The following WASF1 variants were observed in gnomAD, a reference collection of about 807,000 sequenced individuals.
The protein encoded by WASF1 is actin-binding protein WASF1.
WASF1 carries 7 observed loss-of-function variants against 50.5 expected under a neutral mutation model. The observed-to-expected ratio is 0.14, with a 90% CI of 0.08 to 0.26. The LOEUF is 0.26. Among genes scored for constraint, WASF1 ranks in the 10% least tolerant of loss-of-function variants. The probability of loss-of-function intolerance (pLI) is 1.00; values close to 1 mark genes in which losing one functional copy is unlikely to be tolerated. For synonymous variants in WASF1, 205 were observed against 244.0 expected (o/e 0.84, Z 1.49); for missense variants, 470 against 694.7 (o/e 0.68, Z 3.64).
In WASF1 at chr6:110,132,684, G is replaced by A. The variant is rs199518923; in HGVS notation, c.-28-5055C>T. 2.6e-4 allele frequency among the ~76,000 whole-genome samples: 40 copies of A among 151,472 alleles called. No individual in the cohort carries two copies. In the East Asian group the frequency reaches 3.6e-3, roughly 14 times the overall value. ...AATGTGTAGTCTTTTATCCCTCTCC[G>A]TCCTCTCACCCTTTCTCCCAAGTCC... On this transcript the variant is annotated intron_variant, in intron 3 of 10. Coordinates refer to ENST00000392589, the MANE Select transcript of WASF1 (RefSeq NM_003931.3).
rs544054532 is a variant in WASF1, at chr6:110,158,246, T to C, written c.-29+2389A>G. On this transcript the variant is annotated intron_variant, in intron 3 of 10. Coordinates refer to ENST00000392589, the MANE Select transcript of WASF1 (RefSeq NM_003931.3). ...CCACAATTTCAGAGCCTGTTATTGG[T>C]CTATTCAGAGATTCAACTTCTTCCT... is the stretch of plus-strand genomic sequence containing the variant. Among the ~76,000 whole-genome samples the C allele has an allele frequency of 1.9e-4, 9 of 48,580 alleles. 1 individual carries two copies. Among genetic ancestry groups the C allele is most frequent in the African/African-American group, 8.1e-4 (8 of 9,832 alleles). The allele number at this position is 48,580 out of a possible 152,430, so 31.9% of individuals were successfully genotyped here.
chr6:110,104,513 G>A (rs1773232357), intron 8 of WASF1, among the ~76,000 whole-genome samples: 1 of 152,144 alleles, frequency 6.6e-6, no homozygotes, highest in Non-Finnish European at 1.5e-5. Flanking sequence ...ACTAGGCTGG[G>A]CACAGTGGCT....
intron 4 of WASF1, among the ~76,000 whole-genome samples, chr6:110,124,240 C>CTCTCTCTCTT (rs1562170316): frequency 3.2e-5 from 1 of 30,848 alleles, no homozygotes; most frequent in African/African-American, 1.5e-4. Flanking sequence ...TCTCTCCTCT[C>CTCTCTCTCTT]TCTCTCTCTC....
intron 2 of WASF1, among the ~76,000 whole-genome samples, chr6:110,168,476 A>G (rs1776565911): frequency 6.6e-6 from 1 of 152,094 alleles, no homozygotes; most frequent in African/African-American, 2.4e-5. Context: ...CTCTATCACA[A>G]TGAAAAAGAC....
intron 4 of WASF1, among the ~76,000 whole-genome samples, chr6:110,125,262 T>C (rs548395138): frequency 1.6e-4 from 25 of 152,192 alleles, no homozygotes; most frequent in Non-Finnish European, 2.9e-4. Context: ...AATCAAATAT[T>C]ATCCTAGGCC....
At chr6:110,153,899 A>G (rs1283613457) in intron 3 of WASF1, among the ~76,000 whole-genome samples, 1 of 152,156 alleles carries the variant, frequency 6.6e-6, no homozygotes, top group East Asian at 1.9e-4. Context: ...GAATGAATAG[A>G]ATATTATAAA....
chr6:110,130,473 A>G (rs912340859), intron 3 of WASF1, among the ~76,000 whole-genome samples: 2 of 152,196 alleles, frequency 1.3e-5, no homozygotes, highest in Non-Finnish European at 2.9e-5. Context: ...GTTTATATAG[A>G]CTAATATGAT....
intron 3 of WASF1, among the ~76,000 whole-genome samples, chr6:110,149,730 A>T (rs1775742690): frequency 6.6e-6 from 1 of 151,912 alleles, no homozygotes. Flanking sequence ...ACATATTTTA[A>T]TTTTTTATTT....
intron 5 of WASF1, 84 bp from the exon 6 acceptor site, chr6:110,108,765 T>A: frequency 7.4e-7 from 1 of 1,345,290 alleles, no homozygotes; most frequent in Non-Finnish European, 1.0e-6. Context: ...TTTATTTGTC[T>A]AAAAGTCAGC....
chr6:110,136,487 T>C (rs1359861220), intron 3 of WASF1, among the ~76,000 whole-genome samples: 3 of 152,216 alleles, frequency 2.0e-5, no homozygotes, highest in East Asian at 1.9e-4. Context: ...CAGAGAGACA[T>C]GTTAAGACTG....
At chr6:110,105,143 G>C (rs1365670004) in intron 8 of WASF1, among the ~76,000 whole-genome samples, 1 of 152,124 alleles carries the variant, frequency 6.6e-6, no homozygotes, top group Admixed American at 6.5e-5. Flanking sequence ...AGGCTATTGA[G>C]ACGTCACACT....
At position 110,103,489 on chromosome 6, in the gene WASF1, C is replaced by T. The variant is rs762088792; in HGVS notation, c.782G>A (p.Ser261Asn). The T allele has an allele frequency of 6.2e-7, 1 of 1,614,014 alleles. No homozygotes were observed. Among genetic ancestry groups the T allele is most frequent in the Non-Finnish European group, 8.5e-7 (1 of 1,179,916 alleles). ...TTCCTCAGCTCTAGTCAGAAGCTCA[C>T]TCATCTGACTAAATGGCAAGGCAGA... ...SLSALPFSQM[S>N]ELLTRAEERV... The change falls in exon 9 of 11, where the codon AGT (serine) becomes AAT (asparagine). Residue 261 changes from serine to asparagine, a missense_variant. Transcript: ENST00000392589.
intron 3 of WASF1, among the ~76,000 whole-genome samples, chr6:110,131,896 T>G (rs1036766416): frequency 6.6e-6 from 1 of 152,176 alleles, no homozygotes; most frequent in Non-Finnish European, 1.5e-5. Context: ...TCCATGTAAA[T>G]TTTTAGAATA....
intron 2 of WASF1, among the ~76,000 whole-genome samples, chr6:110,162,457 A>C (rs1441494648): frequency 1.3e-5 from 2 of 150,660 alleles, no homozygotes; most frequent in African/African-American, 4.9e-5. Context: ...AAAAAAAAAA[A>C]TCCAAAAAAC....
intron 7 of WASF1, among the ~76,000 whole-genome samples, chr6:110,105,933 T>C (rs887554231): frequency 2.0e-5 from 3 of 152,194 alleles, no homozygotes; most frequent in African/African-American, 7.2e-5. Flanking sequence ...ATGAATGGCA[T>C]TGTCTGCCCC....
At chr6:110,139,243 G>C (rs978294231) in intron 3 of WASF1, among the ~76,000 whole-genome samples, 37 of 152,200 alleles carry the variant, frequency 2.4e-4, no homozygotes, top group Non-Finnish European at 3.5e-4. Flanking sequence ...CAAGCCTGTG[G>C]GGGCAAAGAG....
intron 3 of WASF1, among the ~76,000 whole-genome samples, chr6:110,138,448 C>T (rs879708567): frequency 6.6e-6 from 1 of 152,214 alleles, no homozygotes; most frequent in Non-Finnish European, 1.5e-5. Context: ...TGTTATAGCT[C>T]TTCCAGTCCT....
chr6:110,160,970 T>C (rs1238658856), intron 2 of WASF1, among the ~76,000 whole-genome samples: 1 of 151,488 alleles, frequency 6.6e-6, no homozygotes, highest in African/African-American at 2.4e-5. Context: ...ATGAAATAAA[T>C]GCAATTCTTG....
At chr6:110,153,497 A>T (rs1057455310) in intron 3 of WASF1, among the ~76,000 whole-genome samples, 1 of 152,186 alleles carries the variant, frequency 6.6e-6, no homozygotes, top group Non-Finnish European at 1.5e-5. Flanking sequence ...ATCTATGTTG[A>T]TTTCTCACTG....
Sources: allele counts gnomAD v4.1 joint callset (sites outside exome capture counted in the v4.1 genomes callset), GRCh38; gene constraint gnomAD v4.1.1; transcripts MANE v1.5; gene names NCBI Gene and HGNC (gene_info 2026-07-23, HGNC 2026-07-21).